Variants in DIS3L2 observed in about 807,000 individuals in gnomAD.
DIS3L2 encodes DIS3 like 3'-5' exoribonuclease 2, also known as DIS3-like exonuclease 2.
DIS3L2 carries 34 observed loss-of-function variants against 97.5 expected under a neutral mutation model. The ratio of observed to expected loss-of-function variants is 0.35; its 90% confidence interval spans 0.27 to 0.46. The LOEUF (loss-of-function observed/expected upper bound fraction) is 0.46. Ranked by LOEUF, DIS3L2 falls within the 20% of genes least tolerant of loss-of-function variation. DIS3L2 has a pLI of 1.00. For synonymous variants in DIS3L2, 435 were observed against 445.2 expected, an observed-to-expected ratio of 0.98 and a Z score of 0.29; for missense variants, 1,038 against 1,146.0, an observed-to-expected ratio of 0.91 and a Z score of 1.36.
At chr2:232,155,047 C>T (rs940064164) in intron 8 of DIS3L2, among the ~76,000 whole-genome samples, 7 of 150,282 alleles carry the variant, frequency 4.7e-5, no homozygotes, top group Admixed American at 2.0e-4. Context: ...GGCAATGCCT[C>T]GCCCTGCTTC....
chr2:232,046,438 G>A (rs751065226), intron 5 of DIS3L2, among the ~76,000 whole-genome samples: 9 of 152,192 alleles, frequency 5.9e-5, no homozygotes, highest in African/African-American at 2.2e-4. Context: ...GAGAAGCATC[G>A]ATGTGGATGA....
chr2:232,046,232 T>C (rs999248745), intron 5 of DIS3L2, among the ~76,000 whole-genome samples: 4 of 152,160 alleles, frequency 2.6e-5, no homozygotes, highest in African/African-American at 2.4e-5. Context: ...TACATTGGCT[T>C]TGGGCCTTCT....
At chr2:232,260,335 C>T (rs763781060) in intron 12 of DIS3L2, 1 of 152,258 alleles carries the variant, frequency 6.6e-6, no homozygotes, top group Non-Finnish European at 1.5e-5. Context: ...AGCAGCTCTT[C>T]AGGAAATGTG....
intron 6 of DIS3L2, among the ~76,000 whole-genome samples, chr2:232,121,149 C>T (rs1283103215): frequency 6.6e-6 from 1 of 152,148 alleles, no homozygotes; most frequent in Non-Finnish European, 1.5e-5. Context: ...ATTTCCCAGG[C>T]ACAGCATTCT....
chr2:232,176,394 C>G (rs1005112513), intron 9 of DIS3L2, among the ~76,000 whole-genome samples: 1 of 152,058 alleles, frequency 6.6e-6, no homozygotes, highest in Non-Finnish European at 1.5e-5. Flanking sequence ...TTTTGTTGAT[C>G]TTTTCACATA....
intron 12 of DIS3L2, among the ~76,000 whole-genome samples, chr2:232,258,883 CTG>C (rs1693641550): frequency 6.6e-6 from 1 of 152,180 alleles, no homozygotes; most frequent in Admixed American, 6.5e-5. Context: ...CTGCCTTTCT[CTG>C]TGTCAGACGA....
intron 12 of DIS3L2, among the ~76,000 whole-genome samples, chr2:232,259,666 TG>T (rs1406237138): frequency 7.9e-5 from 12 of 152,142 alleles, no homozygotes; most frequent in Non-Finnish European, 1.6e-4. Flanking sequence ...TCGCCCAAGC[TG>T]GAGTGCAGTG....
chr2:231,976,366 A>G (rs564789923), intron 1 of DIS3L2, among the ~76,000 whole-genome samples: 2 of 152,238 alleles, frequency 1.3e-5, no homozygotes, highest in South Asian at 2.1e-4. Context: ...ACGGTAGCTC[A>G]CGCCTGTAAT....
intron 13 of DIS3L2, among the ~76,000 whole-genome samples, chr2:232,298,593 C>T (rs374310454): frequency 6.6e-6 from 1 of 152,092 alleles, no homozygotes; most frequent in Non-Finnish European, 1.5e-5. Flanking sequence ...GAGGACAAAC[C>T]ATTCCTGTGA....
intron 14 of DIS3L2, among the ~76,000 whole-genome samples, chr2:232,317,492 A>G (rs11676406): frequency 0.098 from 14,902 of 152,190 alleles, 1,309 homozygotes; most frequent in East Asian, 0.44. Flanking sequence ...GCTGGAGTAC[A>G]GTGGCCCGAT....
chr2:232,040,417 A>G (rs1387939686), intron 5 of DIS3L2, among the ~76,000 whole-genome samples: 1 of 151,764 alleles, frequency 6.6e-6, no homozygotes, highest in East Asian at 1.9e-4. Context: ...TTTTACAGAG[A>G]CTCTTCGAAC....
chr2:231,992,523 C>T (rs546807382), intron 1 of DIS3L2, among the ~76,000 whole-genome samples: 80 of 152,268 alleles, frequency 5.3e-4, no homozygotes, highest in African/African-American at 3.4e-4. Flanking sequence ...CCACCTTTCC[C>T]GCTTCATGGC....
chr2:232,067,004 T>C (rs1410075331), intron 5 of DIS3L2, among the ~76,000 whole-genome samples: 3 of 152,118 alleles, frequency 2.0e-5, no homozygotes, highest in East Asian at 3.8e-4. Context: ...TGAAATATTA[T>C]TGGTAATCAT....
intron 5 of DIS3L2, among the ~76,000 whole-genome samples, chr2:232,077,149 C>A (rs774604153): frequency 8.5e-5 from 13 of 152,178 alleles, no homozygotes; most frequent in Non-Finnish European, 1.8e-4. Flanking sequence ...GTGCCCTCCA[C>A]CCCTACCCAC....
intron 5 of DIS3L2, among the ~76,000 whole-genome samples, chr2:232,036,977 C>T (rs1694967618): frequency 6.6e-6 from 1 of 152,212 alleles, no homozygotes; most frequent in African/African-American, 2.4e-5. Context: ...TGGGAGGCGT[C>T]TCCCTGTCAG....
intron 9 of DIS3L2, among the ~76,000 whole-genome samples, chr2:232,199,914 A>G (rs1380513805): frequency 1.3e-5 from 2 of 152,234 alleles, no homozygotes; most frequent in Non-Finnish European, 2.9e-5. Flanking sequence ...GAAATCAAGC[A>G]AAAACAAATG....
intron 9 of DIS3L2, among the ~76,000 whole-genome samples, chr2:232,184,553 G>A (rs1691383894): frequency 6.6e-6 from 1 of 152,110 alleles, no homozygotes; most frequent in African/African-American, 2.4e-5. Context: ...GGGAGGCTGA[G>A]GTGAGATAAT....
At chr2:232,097,601 G>C (rs550535812) in intron 6 of DIS3L2, among the ~76,000 whole-genome samples, 1 of 152,242 alleles carries the variant, frequency 6.6e-6, no homozygotes, top group African/African-American at 2.4e-5. Context: ...GTCAACTTGT[G>C]GTGATGAATG....
At chr2:232,286,424 G>A (rs1280527327) in intron 13 of DIS3L2, among the ~76,000 whole-genome samples, 1 of 152,190 alleles carries the variant, frequency 6.6e-6, no homozygotes, top group Admixed American at 6.5e-5. Flanking sequence ...AAGCCACAGA[G>A]AGAGTGTTTC....
Sources: allele counts gnomAD v4.1 joint callset (sites outside exome capture counted in the v4.1 genomes callset), GRCh38; gene constraint gnomAD v4.1.1; transcripts MANE v1.5; gene names NCBI Gene and HGNC (gene_info 2026-07-23, HGNC 2026-07-21).